PIP4K2A: variants seen among roughly 807,000 people sequenced by gnomAD.
PIP4K2A encodes phosphatidylinositol-5-phosphate 4-kinase type 2 alpha, also known as phosphatidylinositol 5-phosphate 4-kinase type-2 alpha.
Under a neutral mutation model 42.9 loss-of-function variants are expected in PIP4K2A, and 14 were observed. The ratio of observed to expected loss-of-function variants is 0.33; its 90% CI spans 0.22 to 0.51. The LOEUF is 0.51. Ranked by LOEUF, PIP4K2A falls within the 20% of genes least tolerant of loss-of-function variation. The probability of loss-of-function intolerance (pLI) is 0.97; values close to 1 mark genes in which losing one functional copy is unlikely to be tolerated. For synonymous variants in PIP4K2A, 192 were observed against 192.2 expected (o/e 1.00, Z 0.01); for missense variants, 434 against 519.8 (o/e 0.83, Z 1.61).
intron 4 of PIP4K2A, among the ~76,000 whole-genome samples, chr10:22,589,603 T>C (rs1379112700): frequency 6.6e-6 from 1 of 152,188 alleles, no homozygotes. Context: ...ATTGATCATA[T>C]TTGCAAAGAT....
intron 1 of PIP4K2A, among the ~76,000 whole-genome samples, chr10:22,650,640 T>G (rs754856951): frequency 6.6e-6 from 1 of 152,226 alleles, no homozygotes. Flanking sequence ...ACTCGCGGTA[T>G]AGCAAGAAAG....
At chr10:22,682,977 T>C (rs538310827) in intron 1 of PIP4K2A, among the ~76,000 whole-genome samples, 2 of 152,298 alleles carry the variant, frequency 1.3e-5, no homozygotes, top group South Asian at 4.1e-4. Flanking sequence ...TGCTGTCTTC[T>C]TTACAACAAG....
At chr10:22,650,635 C>T (rs1051356156) in intron 1 of PIP4K2A, among the ~76,000 whole-genome samples, 1 of 152,148 alleles carries the variant, frequency 6.6e-6, no homozygotes, top group African/African-American at 2.4e-5. Flanking sequence ...GTGCCACTCG[C>T]GGTATAGCAA....
chr10:22,631,915 G>T (rs908709749), intron 1 of PIP4K2A, among the ~76,000 whole-genome samples: 1 of 152,224 alleles, frequency 6.6e-6, no homozygotes, highest in Non-Finnish European at 1.5e-5. Context: ...GTAACCAACT[G>T]ACCAGAGTCA....
At chr10:22,673,136 T>C (rs1242808147) in intron 1 of PIP4K2A, among the ~76,000 whole-genome samples, 7 of 152,188 alleles carry the variant, frequency 4.6e-5, no homozygotes, top group Non-Finnish European at 1.0e-4. Context: ...TCCCCATGGT[T>C]ATGACTTCTA....
intron 4 of PIP4K2A, among the ~76,000 whole-genome samples, chr10:22,586,033 A>AT (rs1036332117): frequency 6.6e-6 from 1 of 152,210 alleles, no homozygotes; most frequent in African/African-American, 2.4e-5. Flanking sequence ...GTTTTTTACC[A>AT]TTTTTTCCTT....
chr10:22,550,579 A>AGAT, intron 7 of PIP4K2A, 80 bp downstream of exon 7: 1 of 813,134 alleles, frequency 1.2e-6, no homozygotes, highest in African/African-American at 1.7e-5. Flanking sequence ...AGATTTAAAT[A>AGAT]GATGGTTTAA....
At chr10:22,673,033 C>T (rs1011175553) in intron 1 of PIP4K2A, among the ~76,000 whole-genome samples, 1 of 152,168 alleles carries the variant, frequency 6.6e-6, no homozygotes, top group Non-Finnish European at 1.5e-5. Flanking sequence ...TCCAGGGCCA[C>T]TTCCTGGACA....
At chr10:22,637,796 T>C (rs1048443521) in intron 1 of PIP4K2A, among the ~76,000 whole-genome samples, 1 of 152,108 alleles carries the variant, frequency 6.6e-6, no homozygotes, top group African/African-American at 2.4e-5. Context: ...CCACAAAACG[T>C]GTTCATTCAA....
rs1838469308 is a variant in PIP4K2A, at chr10:22,627,591, T to TTAAA, written c.145-17875_145-17874insTTTA. On this transcript the variant is annotated intron_variant, in intron 1 of 9. Transcript: ENST00000376573. ...TGTTTAACCAAAAGCTAATATGTAA[T>TTAAA]AAAAAAAAAAAAAAAAAAAAAAAAA... 1.6e-4 allele frequency among the ~76,000 whole-genome samples: 9 copies of TTAAA among 57,032 alleles called. 1 individual carries two copies. Among genetic ancestry groups the TTAAA allele is most frequent in the Admixed American group, 8.8e-4 (3 of 3,418 alleles). The allele number at this position is 57,032 out of a possible 152,430, so 37.4% of individuals were successfully genotyped here.
intron 4 of PIP4K2A, among the ~76,000 whole-genome samples, chr10:22,585,234 T>G (rs1837366633): frequency 6.6e-6 from 1 of 152,224 alleles, no homozygotes; most frequent in Non-Finnish European, 1.5e-5. Context: ...GATAAGCAGA[T>G]GTACTATGAG....
intron 8 of PIP4K2A, 129 bp downstream of exon 8, chr10:22,541,675 T>C: frequency 9.4e-7 from 1 of 1,063,484 alleles, no homozygotes; most frequent in Non-Finnish European, 1.3e-6. Context: ...CAAATCCATT[T>C]CTTTGGAGTT....
At chr10:22,610,146 T>C (rs1313628936) in intron 1 of PIP4K2A, among the ~76,000 whole-genome samples, 2 of 152,254 alleles carry the variant, frequency 1.3e-5, no homozygotes, top group Non-Finnish European at 2.9e-5. Context: ...ACGTGATTTA[T>C]ATATTGAACT....
chr10:22,599,103 C>T (rs1391440408), intron 3 of PIP4K2A, among the ~76,000 whole-genome samples: 2 of 149,882 alleles, frequency 1.3e-5, no homozygotes, highest in African/African-American at 4.9e-5. Flanking sequence ...GGGAAAAAAA[C>T]GTCTCTTACT....
chr10:22,620,332 A>T (rs974911319), intron 1 of PIP4K2A, among the ~76,000 whole-genome samples: 4 of 152,242 alleles, frequency 2.6e-5, no homozygotes, highest in Non-Finnish European at 4.4e-5. Flanking sequence ...TGGCTTTTTT[A>T]AAAATTCAAA....
At chr10:22,580,199 T>A (rs1837233670) in intron 4 of PIP4K2A, among the ~76,000 whole-genome samples, 1 of 152,010 alleles carries the variant, frequency 6.6e-6, no homozygotes, top group Admixed American at 6.5e-5. Context: ...GCAGTGTCTC[T>A]GTATTTATAA....
At chr10:22,550,609 A>C (rs1564416448) in intron 7 of PIP4K2A, 50 bp downstream of exon 7, 1 of 1,006,698 alleles carries the variant, frequency 9.9e-7, no homozygotes, top group Non-Finnish European at 1.6e-6. Context: ...AAAACCCAAC[A>C]GGGCTGATAT....
chr10:22,613,191 T>C (rs149440613), intron 1 of PIP4K2A, among the ~76,000 whole-genome samples: 24 of 151,864 alleles, frequency 1.6e-4, no homozygotes, highest in East Asian at 1.2e-3. Context: ...CAGGAGGTCC[T>C]TGGCAACCTT....
At chr10:22,631,164 A>G (rs1424103270) in intron 1 of PIP4K2A, among the ~76,000 whole-genome samples, 2 of 152,154 alleles carry the variant, frequency 1.3e-5, no homozygotes, top group East Asian at 3.8e-4. Flanking sequence ...CCCTCTTCCA[A>G]ATATTTTTTA....
Sources: gnomAD v4.1 joint callset for allele counts (sites outside exome capture counted in the v4.1 genomes callset) on GRCh38, gnomAD v4.1.1 for gene constraint, MANE v1.5 for transcripts, NCBI Gene and HGNC (gene_info 2026-07-23, HGNC 2026-07-21) for gene names.